ARID2: variants seen among roughly 807,000 people sequenced by gnomAD.
The protein encoded by ARID2 is AT-rich interactive domain-containing protein 2.
A neutral mutation model predicts 184.6 loss-of-function variants in ARID2; 32 were observed. The ratio of observed to expected loss-of-function variants is 0.17; its 90% CI spans 0.13 to 0.23. The LOEUF is 0.23. Ranked by LOEUF, ARID2 falls within the 10% of genes least tolerant of loss-of-function variation. The probability of loss-of-function intolerance (pLI) is 1.00; values close to 1 mark genes in which losing one functional copy is unlikely to be tolerated. For missense variants in ARID2, 1,696 were observed against 2,197.6 expected (o/e 0.77, Z 4.56); for synonymous variants, 836 against 772.6 (o/e 1.08, Z -1.36).
intron 20 of ARID2, among the ~76,000 whole-genome samples, chr12:45,898,369 T>C (rs1239020548): frequency 6.6e-6 from 1 of 152,160 alleles, no homozygotes; most frequent in African/African-American, 2.4e-5. Context: ...GTGATGGTTG[T>C]ACAACAGTAT....
chr12:45,782,755 T>C (rs768486585), intron 3 of ARID2, among the ~76,000 whole-genome samples: 1 of 152,106 alleles, frequency 6.6e-6, no homozygotes, highest in Non-Finnish European at 1.5e-5. Flanking sequence ...TAGGCTGACC[T>C]GTTGGGCTCT....
intron 20 of ARID2, among the ~76,000 whole-genome samples, chr12:45,899,641 ATATATATTTGGT>A (rs1944421744): frequency 2.4e-5 from 3 of 123,862 alleles, no homozygotes; most frequent in African/African-American, 9.3e-5. Flanking sequence ...GGTTATATAT[ATATATATTTGGT>A]TATATATATA....
chr12:45,824,713 C>T (rs12296933), intron 6 of ARID2, among the ~76,000 whole-genome samples: 12,986 of 151,778 alleles, frequency 0.086, 1,904 homozygotes, highest in African/African-American at 0.29. Flanking sequence ...AAAACGGTAT[C>T]CCACTACTGG....
At chr12:45,745,120 G>A (rs1941331260) in intron 3 of ARID2, among the ~76,000 whole-genome samples, 1 of 152,232 alleles carries the variant, frequency 6.6e-6, no homozygotes, top group Non-Finnish European at 1.5e-5. Context: ...AAAGGGCTAA[G>A]TTGAAGTGGA....
intron 3 of ARID2, among the ~76,000 whole-genome samples, chr12:45,808,144 GT>G (rs1335188053): frequency 1.3e-4 from 20 of 152,322 alleles, no homozygotes; most frequent in African/African-American, 4.6e-4. Flanking sequence ...AGTTTAATGG[GT>G]GAACACAGTA....
In ARID2 at chr12:45,907,100, G is replaced by A; in HGVS notation, c.*2022G>A. On this transcript the variant is annotated 3_prime_UTR_variant, in exon 21 of 21. Transcript: ENST00000334344. Reference sequence around the variant, plus strand: ...AACTTCATCTAATATTAGTTATAAGGTTGTGGAATTTATGCTTGGCCCACC... The same window carrying A: ...AACTTCATCTAATATTAGTTATAAGATTGTGGAATTTATGCTTGGCCCACC... The A allele has an allele frequency of 4.3e-6, 1 of 232,564 alleles. No homozygotes were observed. The highest frequency in any genetic ancestry group is 8.5e-6 in the Non-Finnish European group (1 of 117,636). 14.4% of individuals were successfully genotyped at this position (232,564 alleles called of 1,614,324 possible).
intron 3 of ARID2, among the ~76,000 whole-genome samples, chr12:45,785,418 C>T (rs1241873957): frequency 3.9e-5 from 6 of 152,044 alleles, no homozygotes; most frequent in South Asian, 2.1e-4. Context: ...TTCCATAAGA[C>T]GCACAGAAAT....
intron 3 of ARID2, among the ~76,000 whole-genome samples, chr12:45,763,121 C>T (rs1941710265): frequency 2.0e-5 from 3 of 152,212 alleles, no homozygotes; most frequent in African/African-American, 7.2e-5. Context: ...TATTACTATT[C>T]TTCAAAACAA....
At chr12:45,738,406 C>G (rs1312985714) in intron 3 of ARID2, among the ~76,000 whole-genome samples, 1 of 152,048 alleles carries the variant, frequency 6.6e-6, no homozygotes, top group Non-Finnish European at 1.5e-5. Context: ...CCTTCACCTC[C>G]TGGGTTCCAG....
At chr12:45,863,343 G>C (rs1009931462) in intron 16 of ARID2, among the ~76,000 whole-genome samples, 1 of 152,176 alleles carries the variant, frequency 6.6e-6, no homozygotes, top group African/African-American at 2.4e-5. Flanking sequence ...TTTAGTTCCA[G>C]TTCCAAGTAG....
chr12:45,873,829 G>A (rs1214687453), intron 16 of ARID2, among the ~76,000 whole-genome samples: 3 of 152,112 alleles, frequency 2.0e-5, no homozygotes, highest in African/African-American at 7.2e-5. Flanking sequence ...TCTTTTTGCT[G>A]GTGAAAGGTC....
At chr12:45,815,419 C>G (rs968952522) in intron 4 of ARID2, among the ~76,000 whole-genome samples, 1 of 151,966 alleles carries the variant, frequency 6.6e-6, no homozygotes, top group Non-Finnish European at 1.5e-5. Flanking sequence ...GTGTCATAGC[C>G]ATTAAAAACT....
At chr12:45,847,182 C>T (rs987747172) in intron 12 of ARID2, among the ~76,000 whole-genome samples, 7 of 152,004 alleles carry the variant, frequency 4.6e-5, no homozygotes, top group Admixed American at 4.6e-4. Flanking sequence ...TTAAATTACA[C>T]CATTTAACTT....
chr12:45,780,292 A>G (rs1169279550), intron 3 of ARID2, among the ~76,000 whole-genome samples: 3 of 152,242 alleles, frequency 2.0e-5, no homozygotes, highest in African/African-American at 4.8e-5. Context: ...CAAGTGTTTA[A>G]AAACTTGGGA....
chr12:45,740,674 A>G (rs1367662401), intron 3 of ARID2, among the ~76,000 whole-genome samples: 1 of 152,204 alleles, frequency 6.6e-6, no homozygotes, highest in Non-Finnish European at 1.5e-5. Flanking sequence ...ACCTTAAATC[A>G]AATTTTAACA....
At chr12:45,739,980 C>T (rs752728922) in intron 3 of ARID2, among the ~76,000 whole-genome samples, 13 of 152,148 alleles carry the variant, frequency 8.5e-5, no homozygotes, top group Non-Finnish European at 8.8e-5. Flanking sequence ...ATTTGCAATA[C>T]GCTTGAGCTC....
At chr12:45,848,563 T>C (rs1481761881) in intron 12 of ARID2, among the ~76,000 whole-genome samples, 2 of 152,168 alleles carry the variant, frequency 1.3e-5, no homozygotes, top group Non-Finnish European at 2.9e-5. Flanking sequence ...AGAACATTTG[T>C]TGTCAGCAGA....
chr12:45,763,456 T>C (rs1185698272), intron 3 of ARID2, among the ~76,000 whole-genome samples: 2 of 150,182 alleles, frequency 1.3e-5, no homozygotes, highest in African/African-American at 2.5e-5. Flanking sequence ...GGTGACAATG[T>C]GAGACTCAGA....
chr12:45,759,589 A>G (rs892485321), intron 3 of ARID2, among the ~76,000 whole-genome samples: 3 of 152,154 alleles, frequency 2.0e-5, no homozygotes, highest in African/African-American at 7.2e-5. Context: ...GAAAATATGT[A>G]TATTCAGCTA....
Sources: allele counts gnomAD v4.1 joint callset (sites outside exome capture counted in the v4.1 genomes callset), GRCh38; gene constraint gnomAD v4.1.1; transcripts MANE v1.5; gene names NCBI Gene and HGNC (gene_info 2026-07-23, HGNC 2026-07-21).